ESS2: variants seen among roughly 807,000 people sequenced by gnomAD.
The protein encoded by ESS2 is ess-2 spliceosome associated protein.
Under a neutral mutation model 52.0 loss-of-function variants are expected in ESS2, and 31 were observed. The ratio of observed to expected loss-of-function variants is 0.60; its 90% confidence interval spans 0.45 to 0.81. ESS2 has a LOEUF of 0.81. Ranked by LOEUF, ESS2 falls within the 30% of genes least tolerant of loss-of-function variation. The pLI, the probability that ESS2 is intolerant of heterozygous loss-of-function variation, is 0.00. For synonymous variants in ESS2, 285 were observed against 259.2 expected (o/e 1.10, Z -0.95); for missense variants, 602 against 637.2 (o/e 0.94, Z 0.59).
intron 1 of ESS2, 117 bp downstream of exon 1, chr22:19,144,389 C>A (rs559160422): frequency 1.3e-6 from 2 of 1,557,298 alleles, no homozygotes; most frequent in Non-Finnish European, 8.7e-7. Context: ...CCGTCCACAC[C>A]CGGCTCCTCC....
chr22:19,134,004 C>CTGGGG lies in ESS2; in HGVS notation c.*187_*191dup, dbSNP rs1415814121. On this transcript the variant is annotated 3_prime_UTR_variant, in exon 10 of 10. Coordinates refer to ENST00000252137, the MANE Select transcript of ESS2 (RefSeq NM_022719.3). ...AAACAGCAAACAGCTTGGCAAGGCCCTGGGGTGTGGTGTGGGCACGAGTGC... is the reference window on the plus strand; with the variant it reads ...AAACAGCAAACAGCTTGGCAAGGCCCTGGGGTGGGGTGTGGTGTGGGCACGAGTGC... The CTGGGG allele has an allele frequency of 3.6e-6, 2 of 562,602 alleles. No homozygotes were observed. Among genetic ancestry groups the CTGGGG allele is most frequent in the East Asian group, 3.5e-5 (1 of 28,754 alleles). The allele number at this position is 562,602 out of a possible 1,614,324, so 34.9% of individuals were successfully genotyped here. A position where few individuals can be genotyped will look rare whatever the true frequency, so the allele number is the denominator to read the frequency against.
intron 7 of ESS2, 41 bp from the exon 8 acceptor site, chr22:19,137,473 T>TC: frequency 6.9e-7 from 1 of 1,439,088 alleles, no homozygotes; most frequent in Non-Finnish European, 9.6e-7. Flanking sequence ...GCCAGAGGAC[T>TC]CCCCACCACC....
rs1261714320 is a variant in ESS2, at chr22:19,138,327, G to A, written c.823-10C>T. The A allele has an allele frequency of 6.2e-7, 1 of 1,612,996 alleles. No individual in the cohort carries two copies. The highest frequency in any genetic ancestry group is 2.2e-5 in the East Asian group (1 of 44,858). On this transcript the variant is annotated splice_polypyrimidine_tract_variant and intron_variant, in intron 6 of 9. Transcript: ENST00000252137. Reference sequence around the variant, plus strand: ...CCTTGCCCTGTTTGTGCTGGAACAAGCAGAGAGGCTGGCATCAGGGGGACC... The same window carrying A: ...CCTTGCCCTGTTTGTGCTGGAACAAACAGAGAGGCTGGCATCAGGGGGACC...
chr22:19,139,657 T>C lies in ESS2; in HGVS notation c.643A>G (p.Thr215Ala), dbSNP rs1214175175. 1.6e-5 allele frequency: 26 copies of C among 1,613,884 alleles called. No homozygotes were observed. The highest frequency in any genetic ancestry group is 2.2e-5 in the Non-Finnish European group (26 of 1,179,988). ...GAATTCTTGGCCTTGTACTTCCAGG[T>C]CTCCACACTGGCCTGGCTGCTCTCG... is the stretch of plus-strand genomic sequence containing the variant. ...AIESSQASVE[T>A]WKYKAKNSLM... The change falls in exon 5 of 10, where the codon ACC becomes GCC. Residue 215 changes from threonine to alanine, a missense_variant. Coordinates refer to ENST00000252137, the MANE Select transcript of ESS2 (RefSeq NM_022719.3).
chr22:19,131,980 C>T lies in ESS2; in HGVS notation c.*2216G>A, dbSNP rs1287629652. The T allele has an allele frequency of 6.2e-7, 1 of 1,614,168 alleles. No individual in the cohort carries two copies. The highest frequency in any genetic ancestry group is 1.7e-5 in the Admixed American group (1 of 60,034). On this transcript the variant is annotated 3_prime_UTR_variant, in exon 10 of 10. Transcript: ENST00000252137. The surrounding 1 kb of genome is among the most constrained non-coding windows in gnomAD (Gnocchi z 5.7). ...GTGCTGCAGAGCATCCCCTACCAGC[C>T]CAAGGTGTATGACATCTGGAGCCTG...
intron 7 of ESS2, chr22:19,137,845 AC>A: frequency 2.0e-6 from 2 of 985,426 alleles, no homozygotes; most frequent in Non-Finnish European, 2.4e-6. Flanking sequence ...CACGCATGCC[AC>A]AAGACCACCT....
Position 19,142,766 on chromosome 22 carries a change from G to A in ESS2, c.264C>T (p.Gly88=), listed in dbSNP as rs1478807713. 1 of 1,614,060 alleles carries A rather than the reference G, an allele frequency of 6.2e-7. No homozygotes were observed. The highest frequency in any genetic ancestry group is 8.5e-7 in the Non-Finnish European group (1 of 1,180,046). The part of the protein sequence containing the change: ...ERMRQIAIKF[G]SALGKMSREP... Reference sequence around the variant, plus strand: ...CCCGGGACATCTTGCCCAAGGCAGAGCCAAACTTGATGGCAATCTGGCGCA... The same window carrying A: ...CCCGGGACATCTTGCCCAAGGCAGAACCAAACTTGATGGCAATCTGGCGCA... The change falls in exon 2 of 10, where the codon GGC becomes GGT. Residue 88 remains glycine (G), a synonymous_variant. Transcript: ENST00000252137.
At chr22:19,143,249 G>A (rs2083725087) in intron 1 of ESS2, among the ~76,000 whole-genome samples, 1 of 151,546 alleles carries the variant, frequency 6.6e-6, no homozygotes, top group Admixed American at 6.6e-5. Flanking sequence ...CTGCAGTCTG[G>A]GTGCTCCTGC....
At position 19,131,132 on chromosome 22, in the gene ESS2, G is replaced by C. The variant is rs1440085812; in HGVS notation, c.*3064C>G. 2.3e-6 allele frequency: 1 copy of C among 435,664 alleles called. No homozygotes were observed. The highest frequency in any genetic ancestry group is 4.1e-6 in the Non-Finnish European group (1 of 242,994). 27.0% of individuals were successfully genotyped at this position (435,664 alleles called of 1,614,324 possible). A position where few individuals can be genotyped will look rare whatever the true frequency, so the allele number is the denominator to read the frequency against. ...GGACAGGCTTCCTTCCAGCGGGCGG[G>C]GAGTGGGTGCTCCTGCCAGACCAGC... On this transcript the variant is annotated 3_prime_UTR_variant, in exon 10 of 10. Coordinates refer to ENST00000252137, the MANE Select transcript of ESS2 (RefSeq NM_022719.3). The surrounding 1 kb of genome is among the most constrained non-coding windows in gnomAD (Gnocchi z 5.7).
At chr22:19,137,930 G>A in intron 7 of ESS2, 1 of 985,340 alleles carries the variant, frequency 1.0e-6, no homozygotes, top group African/African-American at 1.7e-5. Context: ...TAAGCACTGT[G>A]CACACACCCC....
chr22:19,140,391 G>A (rs879594859), intron 3 of ESS2, among the ~76,000 whole-genome samples: 5 of 152,166 alleles, frequency 3.3e-5, no homozygotes, highest in Non-Finnish European at 7.4e-5. Flanking sequence ...GCCTGTGGGT[G>A]CCAGGCCTCC....
chr22:19,138,068 T>C, intron 7 of ESS2, 147 bp downstream of exon 7: 1 of 1,481,516 alleles, frequency 6.7e-7, no homozygotes, highest in African/African-American at 1.4e-5. Flanking sequence ...TCTAGGGCCT[T>C]GTACAGACAG....
Position 19,131,866 on chromosome 22 carries a change from G to A in ESS2, c.*2330C>T. On this transcript the variant is annotated 3_prime_UTR_variant, in exon 10 of 10. Transcript: ENST00000252137. The surrounding 1 kb of genome is among the most constrained non-coding windows in gnomAD (Gnocchi z 5.7). The stretch of plus-strand genomic sequence containing the variant: ...TTCAACATCAAGCTGTCTGACTTTG[G>A]CTTCTCCAAGCGCTGCCTGCGGGAC... 6.2e-7 allele frequency: 1 copy of A among 1,614,144 alleles called. No homozygotes were observed. Among genetic ancestry groups the A allele is most frequent in the Non-Finnish European group, 8.5e-7 (1 of 1,180,028 alleles).
intron 3 of ESS2, among the ~76,000 whole-genome samples, chr22:19,141,135 A>T (rs549664383): frequency 5.9e-5 from 9 of 151,734 alleles, no homozygotes; most frequent in Admixed American, 6.6e-5. Flanking sequence ...AAAAAAAAAA[A>T]GGAGAAGAAA....
In ESS2 at chr22:19,139,472, T is replaced by G. The variant is rs1601356745; in HGVS notation, c.688+140A>C. Reference sequence around the variant, plus strand: ...TGACCTCACACAGACCTGTCCACCCTTAGACAGACCAGTACCCATCAGAAG... The same window carrying G: ...TGACCTCACACAGACCTGTCCACCCGTAGACAGACCAGTACCCATCAGAAG... On this transcript the variant is annotated intron_variant, in intron 5 of 9. Transcript: ENST00000252137. 3 of 1,216,434 alleles carry G rather than the reference T, an allele frequency of 2.5e-6. No homozygotes were observed. In the East Asian group the frequency reaches 7.0e-5, roughly 28 times the overall value. 75.4% of individuals were successfully genotyped at this position (1,216,434 alleles called of 1,614,324 possible).
rs1237792434 is a variant in ESS2 at position 19,139,285 on chromosome 22, AGG to A, written c.694_695del (p.Pro232Ter). The A allele has an allele frequency of 6.3e-7, 1 of 1,595,842 alleles. No individual in the cohort carries two copies. The highest frequency in any genetic ancestry group is 1.7e-5 in the Admixed American group (1 of 58,202). ...GCTTCTTAAACAGCTGCTCCTCGTCAGGGACACCTGGCAGACGAAGCAAAGGT... is the reference window on the plus strand; with the variant it reads ...GCTTCTTAAACAGCTGCTCCTCGTCAGACACCTGGCAGACGAAGCAAAGGT... The part of the protein sequence containing the change: ...NSLMYYPEGV[P>X]DEEQLFKKPR... On this transcript the variant is annotated frameshift_variant, in exon 6 of 10. Coordinates refer to ENST00000252137, the MANE Select transcript of ESS2 (RefSeq NM_022719.3). LOFTEE classifies it high-confidence loss of function.
chr22:19,139,120 CAACCTGGCCCATGCGGCCCTGCT>C lies in ESS2; in HGVS notation c.822+16_822+38del. On this transcript the variant is annotated intron_variant, in intron 6 of 9. Transcript: ENST00000252137. Reference sequence around the variant, plus strand: ...ATGCCTGCCCCCAGGCAGCCCTGTCCAACCTGGCCCATGCGGCCCTGCTGACCCGCCTGCTCACCTGGGCATTG... The same window carrying C: ...ATGCCTGCCCCCAGGCAGCCCTGTCCGACCCGCCTGCTCACCTGGGCATTG... 6.4e-7 allele frequency: 1 copy of C among 1,552,972 alleles called. No homozygotes were observed. Among genetic ancestry groups the C allele is most frequent in the African/African-American group, 1.4e-5 (1 of 73,636 alleles).
intron 1 of ESS2, chr22:19,144,154 C>G (rs941886686): frequency 1.9e-6 from 2 of 1,069,496 alleles, no homozygotes; most frequent in African/African-American, 3.4e-5. Flanking sequence ...CGGTCTCTTT[C>G]CAGGAACCCC....
Position 19,142,606 on chromosome 22 carries a change from G to C in ESS2, c.332C>G (p.Pro111Arg). 6.2e-7 allele frequency: 1 copy of C among 1,613,752 alleles called. No individual in the cohort carries two copies. ...PYVTPATFET[P>R]EVHAGTGVVG... is the part of the protein sequence containing the mutation. ...CACTCCAGTGCCTGCATGCACCTCA[G>C]GGGTTTCAAATGTGGCTGGAGTCAC... Residue 111 changes from proline (P) to arginine (R), a missense_variant, in exon 3 of 10, where the codon CCT (proline) becomes CGT (arginine). Transcript: ENST00000252137.
Sources: allele counts gnomAD v4.1 joint callset (sites outside exome capture counted in the v4.1 genomes callset), GRCh38; gene constraint gnomAD v4.1.1; non-coding constraint Gnocchi (gnomAD v3.1); transcripts MANE v1.5; gene names NCBI Gene and HGNC (gene_info 2026-07-23, HGNC 2026-07-21).